SIL1: variants seen among roughly 807,000 people sequenced by gnomAD.
The protein encoded by SIL1 is SIL1 nucleotide exchange factor.
SIL1 carries 40 observed loss-of-function variants against 49.1 expected under a neutral mutation model. The ratio of observed to expected loss-of-function variants is 0.81; its 90% CI spans 0.63 to 1.06. SIL1 has a LOEUF of 1.06. Among genes scored for constraint, SIL1 ranks in the 50% least tolerant of loss-of-function variants. The probability of loss-of-function intolerance (pLI) is 0.00; values close to 1 mark genes in which losing one functional copy is unlikely to be tolerated. For synonymous variants in SIL1, 253 were observed against 250.8 expected, an observed-to-expected ratio of 1.01 and a Z score of -0.08; for missense variants, 500 against 572.6, an observed-to-expected ratio of 0.87 and a Z score of 1.29.
intron 3 of SIL1, among the ~76,000 whole-genome samples, chr5:139,075,049 T>G (rs1461113316): frequency 6.6e-6 from 1 of 152,182 alleles, no homozygotes; most frequent in East Asian, 1.9e-4. Context: ...GGTCTTGAAC[T>G]TCTGACCTCA....
intron 5 of SIL1, among the ~76,000 whole-genome samples, chr5:139,030,829 C>T (rs62381226): frequency 0.076 from 11,585 of 152,128 alleles, 626 homozygotes; most frequent in Non-Finnish European, 0.11. Context: ...TTTTAAATTA[C>T]AGTGTGCTAA....
rs1750781766 is a variant in SIL1, at chr5:139,127,754, G to A, written c.90C>T (p.Leu30=). 1 of 1,610,372 alleles carries A rather than the reference G, an allele frequency of 6.2e-7. No individual in the cohort carries two copies. Among genetic ancestry groups the A allele is most frequent in the Non-Finnish European group, 8.5e-7 (1 of 1,179,270 alleles). ...AGATATTTACCAGGTTCTGATGACT[G>A]AGGCAGAAGGTGAAGCAGGCGGCCA... The part of the protein sequence containing the change: ...LLMAACFTFC[L]SHQNLKEFAL... Residue 30 remains leucine, a synonymous_variant, in exon 2 of 10, where the codon CTC becomes CTT. Coordinates refer to ENST00000394817, the MANE Select transcript of SIL1 (RefSeq NM_022464.5).
intron 3 of SIL1, among the ~76,000 whole-genome samples, chr5:139,101,156 ACT>A (rs1770578947): frequency 6.6e-6 from 1 of 151,982 alleles, no homozygotes; most frequent in Non-Finnish European, 1.5e-5. Flanking sequence ...GGATTCCCTA[ACT>A]CTCAGAATAT....
At chr5:138,987,064 T>C (rs1195289391) in intron 7 of SIL1, among the ~76,000 whole-genome samples, 4 of 151,576 alleles carry the variant, frequency 2.6e-5, no homozygotes, top group African/African-American at 4.8e-5. Flanking sequence ...ATGCACTATT[T>C]TGTTTTATTT....
chr5:138,957,832 C>T (rs1766934042), intron 7 of SIL1, among the ~76,000 whole-genome samples: 1 of 152,248 alleles, frequency 6.6e-6, no homozygotes, highest in Admixed American at 6.5e-5. Flanking sequence ...CTAACACTGA[C>T]ACAGTAATCT....
intron 7 of SIL1, among the ~76,000 whole-genome samples, chr5:138,962,360 G>A (rs1767040977): frequency 6.6e-6 from 1 of 151,622 alleles, no homozygotes; most frequent in African/African-American, 2.4e-5. Context: ...AAAACACTGA[G>A]TGCTGCTCTG....
intron 3 of SIL1, among the ~76,000 whole-genome samples, chr5:139,100,310 C>T (rs896399882): frequency 6.6e-6 from 1 of 152,168 alleles, no homozygotes; most frequent in African/African-American, 2.4e-5. Flanking sequence ...AGTAGAAGAA[C>T]ATTCTAGGTC....
intron 1 of SIL1, among the ~76,000 whole-genome samples, chr5:139,192,615 G>A (rs992877106): frequency 6.6e-5 from 10 of 152,208 alleles, no homozygotes; most frequent in African/African-American, 2.4e-4. Flanking sequence ...CCCCAGCTGT[G>A]AAGATGGAAG....
chr5:139,072,040 T>G (rs1199073402), intron 3 of SIL1, among the ~76,000 whole-genome samples: 1 of 152,182 alleles, frequency 6.6e-6, no homozygotes, highest in Admixed American at 6.5e-5. Flanking sequence ...AAAAAATACA[T>G]AATTCCTTTT....
chr5:138,990,434 A>C (rs1021928122), intron 7 of SIL1, among the ~76,000 whole-genome samples: 4 of 152,022 alleles, frequency 2.6e-5, no homozygotes, highest in African/African-American at 9.7e-5. Context: ...CTTTCATTCT[A>C]TTTTCTAGAT....
Position 138,951,772 on chromosome 5 carries a change from G to T in SIL1, c.864+16C>A. 6.2e-7 allele frequency: 1 copy of T among 1,611,534 alleles called. No individual in the cohort carries two copies. The highest frequency in any genetic ancestry group is 8.5e-7 in the Non-Finnish European group (1 of 1,177,796). ...TGTCCTGGAGGCTGGGCAGGAGGAA[G>T]GGCATGGAAACACACCTTCTTCTTT... On this transcript the variant is annotated intron_variant, in intron 8 of 9. Transcript: ENST00000394817.
intron 1 of SIL1, among the ~76,000 whole-genome samples, chr5:139,174,175 C>T (rs935273344): frequency 6.6e-6 from 1 of 151,906 alleles, no homozygotes; most frequent in Non-Finnish European, 1.5e-5. Flanking sequence ...AAAAAGATCA[C>T]CAAAATTGAC....
At chr5:139,055,277 C>CTCATGCTGAATTTTGACAG (rs1769380274) in intron 3 of SIL1, among the ~76,000 whole-genome samples, 3 of 152,152 alleles carry the variant, frequency 2.0e-5, no homozygotes, top group African/African-American at 7.2e-5. Flanking sequence ...TTGACTCCCA[C>CTCATGCTGAATTTTGACAG]TGACACTGTC....
intron 3 of SIL1, among the ~76,000 whole-genome samples, chr5:139,051,625 G>T (rs1255376317): frequency 6.6e-6 from 1 of 152,200 alleles, no homozygotes; most frequent in African/African-American, 2.4e-5. Context: ...GCCAGGGCTT[G>T]GCACATAAAA....
rs111546312 is a variant in SIL1 at position 139,003,497 on chromosome 5, G to A, written c.767+17674C>T. Among the ~76,000 whole-genome samples the A allele has an allele frequency of 1.3e-3, 205 of 152,264 alleles. 4 individuals are homozygous for A. The highest frequency in any genetic ancestry group is 4.7e-3 in the African/African-American group (195 of 41,552). ...ATTTCACAGATTTCCTTGAGCAGAT[G>A]TTTCTTTATTTACTCTTTGCCCTTG... On this transcript the variant is annotated intron_variant, in intron 7 of 9. Coordinates refer to ENST00000394817, the MANE Select transcript of SIL1 (RefSeq NM_022464.5).
intron 7 of SIL1, among the ~76,000 whole-genome samples, chr5:138,993,289 G>A (rs1354027895): frequency 6.6e-6 from 1 of 152,154 alleles, no homozygotes; most frequent in African/African-American, 2.4e-5. Context: ...CTTAGGGATG[G>A]CATCCTAGTG....
chr5:139,014,645 T>A (rs1768360775), intron 7 of SIL1, among the ~76,000 whole-genome samples: 1 of 152,214 alleles, frequency 6.6e-6, no homozygotes, highest in South Asian at 2.1e-4. Flanking sequence ...GTACTCAGGA[T>A]AGCTGGTCAG....
At chr5:139,129,422 C>T (rs1158097084) in intron 1 of SIL1, among the ~76,000 whole-genome samples, 5 of 152,172 alleles carry the variant, frequency 3.3e-5, no homozygotes, top group East Asian at 3.9e-4. Context: ...TGGTGGCTCA[C>T]GCCTGTAATC....
rs1770396172 is a variant in SIL1 at position 139,093,880 on chromosome 5, C to G, written c.244+27155G>C. ...AAAGTCCCATGCTTTCCCCCACTGT[C>G]TTCAAATCCACACATACTCCACATC... On this transcript the variant is annotated intron_variant, in intron 3 of 9. Transcript: ENST00000394817. 2.6e-5 allele frequency: 4 copies of G among 152,254 alleles called. No homozygotes were observed. The South Asian group carries it at 8.3e-4, about 31-fold the overall frequency. 9.4% of individuals were successfully genotyped at this position (152,254 alleles called of 1,614,324 possible).
Sources: gnomAD v4.1 joint callset for allele counts (sites outside exome capture counted in the v4.1 genomes callset) on GRCh38, gnomAD v4.1.1 for gene constraint, MANE v1.5 for transcripts, NCBI Gene and HGNC (gene_info 2026-07-23, HGNC 2026-07-21) for gene names.